Variants in URI1 observed in about 807,000 individuals in gnomAD.
The protein encoded by URI1 is URI1 prefoldin like chaperone.
In URI1, 39 loss-of-function variants were observed where a neutral mutation model predicts 60.2. The observed-to-expected ratio is 0.65, with a 90% CI of 0.50 to 0.85. The LOEUF is 0.85. Ranked by LOEUF, URI1 falls within the 40% of genes least tolerant of loss-of-function variation. URI1 has a pLI of 0.00. For missense variants in URI1, 691 were observed against 665.9 expected, an observed-to-expected ratio of 1.04 and a Z score of -0.42; for synonymous variants, 251 against 236.8, an observed-to-expected ratio of 1.06 and a Z score of -0.55.
At position 29,972,929 on chromosome 19, in the gene URI1, T is replaced by C. The variant is rs1217346510; in HGVS notation, c.152+1702T>C. Among the ~76,000 whole-genome samples the C allele has an allele frequency of 2.0e-5, 3 of 152,114 alleles. No homozygotes were observed. In the South Asian group the frequency reaches 6.2e-4, roughly 31 times the overall value. On this transcript the variant is annotated intron_variant, in intron 2 of 10. Transcript: ENST00000392271. Reference sequence around the variant, plus strand: ...AGTACTTTATACATTTAAAAAATTATTTTTTTCCAGTTAAAATTTGCATTT... The same window carrying C: ...AGTACTTTATACATTTAAAAAATTACTTTTTTCCAGTTAAAATTTGCATTT...
rs199895593 is a variant in URI1, at chr19:30,012,329, C to T, written c.1223C>T (p.Ser408Phe). The change falls in exon 10 of 11, where the codon TCC becomes TTC. Residue 408 changes from serine (S) to phenylalanine (F), a missense_variant. Ser to Phe is a radical substitution (Grantham distance 155, BLOSUM62 -2). Coordinates refer to ENST00000392271, the MANE Select transcript of URI1 (RefSeq NM_003796.3). ...VVNGEYVPRK[S>F]ILKSRSRENS... ...AATGGAGAATATGTCCCTCGCAAATCCATCCTGAAGTCTCGAAGTAGAGAG... is the reference window on the plus strand; with the variant it reads ...AATGGAGAATATGTCCCTCGCAAATTCATCCTGAAGTCTCGAAGTAGAGAG... 1 of 1,614,096 alleles carries T rather than the reference C, an allele frequency of 6.2e-7. No homozygotes were observed. The highest frequency in any genetic ancestry group is 8.5e-7 in the Non-Finnish European group (1 of 1,179,978).
In URI1 at chr19:30,015,051, A is replaced by G. The variant is rs770147135; in HGVS notation, c.1590A>G (p.Arg530=). ...GGGTTTCAAAGTTTAAAGCTGCCAGATTGCAACAGAAAGACTAGGCCCTGT... is the reference window on the plus strand; with the variant it reads ...GGGTTTCAAAGTTTAAAGCTGCCAGGTTGCAACAGAAAGACTAGGCCCTGT... ...GKRVSKFKAA[R]LQQKD is the part of the protein sequence containing the mutation. The change falls in exon 11 of 11, where the codon AGA becomes AGG. Residue 530 remains arginine, a synonymous_variant. Coordinates refer to ENST00000392271, the MANE Select transcript of URI1 (RefSeq NM_003796.3). The G allele has an allele frequency of 1.2e-6, 2 of 1,613,454 alleles. No homozygotes were observed. The highest frequency in any genetic ancestry group is 1.7e-6 in the Non-Finnish European group (2 of 1,179,594).
At chr19:29,949,741 C>T (rs999769197) in intron 1 of URI1, among the ~76,000 whole-genome samples, 97 of 152,320 alleles carry the variant, frequency 6.4e-4, no homozygotes, top group African/African-American at 2.3e-3. Context: ...AACCCTGTCT[C>T]CACCAAAAAA....
chr19:29,990,888 T>TG (rs2055737810), intron 4 of URI1, among the ~76,000 whole-genome samples: 1 of 152,218 alleles, frequency 6.6e-6, no homozygotes, highest in African/African-American at 2.4e-5. Flanking sequence ...ACTTAAATTG[T>TG]TAAAAAACAA....
chr19:29,949,498 C>T (rs1332030946), intron 1 of URI1, among the ~76,000 whole-genome samples: 2 of 152,220 alleles, frequency 1.3e-5, no homozygotes, highest in African/African-American at 2.4e-5. Flanking sequence ...CCTCACTTCC[C>T]AGACGGGGTG....
In URI1 at chr19:30,009,213, GAT is replaced by G. The variant is rs776458789; in HGVS notation, c.896_897del (p.Asp299GlyfsTer2). 2.6e-4 allele frequency: 9 copies of G among 34,006 alleles called. No individual in the cohort carries two copies. Among genetic ancestry groups the G allele is most frequent in the Non-Finnish European group, 6.6e-4 (8 of 12,152 alleles). 2.1% of individuals were successfully genotyped at this position (34,006 alleles called of 1,614,324 possible). On this transcript the variant is annotated frameshift_variant, in exon 8 of 11. Coordinates refer to ENST00000392271, the MANE Select transcript of URI1 (RefSeq NM_003796.3). LOFTEE classifies it high-confidence loss of function. ...SVNGSSSYHS[D>X]DDDDDDDDDD... The stretch of plus-strand genomic sequence containing the variant: ...GAATGGTTCCAGTTCTTACCACAGT[GAT>G]GATGATGATGATGATGATGATGACG...
intron 8 of URI1, among the ~76,000 whole-genome samples, chr19:30,010,223 G>C (rs1038107472): frequency 2.6e-5 from 4 of 152,122 alleles, no homozygotes; most frequent in African/African-American, 9.7e-5. Context: ...TTAAGGGTCT[G>C]TGGTATCATT....
intron 1 of URI1, among the ~76,000 whole-genome samples, chr19:29,935,987 T>C (rs1482937905): frequency 1.3e-5 from 2 of 152,124 alleles, no homozygotes; most frequent in African/African-American, 4.8e-5. Flanking sequence ...AGGGTTTCAC[T>C]ATGTTGACCA....
intron 1 of URI1, among the ~76,000 whole-genome samples, chr19:29,932,359 C>T (rs1320758501): frequency 6.6e-6 from 1 of 152,086 alleles, no homozygotes; most frequent in African/African-American, 2.4e-5. Flanking sequence ...GTCTGTCACC[C>T]AGGCTGGAGT....
chr19:29,967,487 G>A lies in URI1; in HGVS notation c.118-3706G>A, dbSNP rs181383412. 1.1e-4 allele frequency among the ~76,000 whole-genome samples: 16 copies of A among 152,344 alleles called. 2 individuals carry two copies. In the South Asian group the frequency reaches 2.7e-3, roughly 26 times the overall value. On this transcript the variant is annotated intron_variant, in intron 1 of 10. Coordinates refer to ENST00000392271, the MANE Select transcript of URI1 (RefSeq NM_003796.3). ...GTTTATACTTGTTTCATCTGAAAGG[G>A]TCAGGAGCTGTAGGAGGCATTGGAA...
At chr19:29,951,797 C>G (rs2055183871) in intron 1 of URI1, among the ~76,000 whole-genome samples, 3 of 152,210 alleles carry the variant, frequency 2.0e-5, no homozygotes, top group Non-Finnish European at 4.4e-5. Flanking sequence ...ATCCACCTGC[C>G]TTGGCCTCCC....
Position 29,927,565 on chromosome 19 carries a change from T to G in URI1, c.63+3811T>G, listed in dbSNP as rs1330956234. Among the ~76,000 whole-genome samples, 267 of 114,786 alleles carry G rather than the reference T, an allele frequency of 2.3e-3. 5 individuals carry two copies. The highest frequency in any genetic ancestry group is 9.6e-3 in the African/African-American group (247 of 25,748). The allele number at this position is 114,786 out of a possible 152,430, so 75.3% of individuals were successfully genotyped here. Reference sequence around the variant, plus strand: ...GCATGAGCCACTGCACCCGGCTTTTTTTTTTTTTTTTTTTTTTTTTTGAGA... The same window carrying G: ...GCATGAGCCACTGCACCCGGCTTTTGTTTTTTTTTTTTTTTTTTTTTGAGA... On this transcript the variant is annotated intron_variant, in intron 1 of 10. Transcript: ENST00000360605.
At chr19:29,980,264 C>A (rs1378736403) in intron 2 of URI1, 2 of 151,894 alleles carry the variant, frequency 1.3e-5, no homozygotes, top group East Asian at 3.9e-4. Flanking sequence ...AGTGATGATC[C>A]CTGCAGCATA....
At chr19:29,985,378 T>A in intron 3 of URI1, 77 bp downstream of exon 3, 2 of 1,271,224 alleles carry the variant, frequency 1.6e-6, no homozygotes, top group Non-Finnish European at 2.3e-6. Context: ...TCACAGAATG[T>A]CAGGCTGATG....
At position 30,009,689 on chromosome 19, in the gene URI1, C is replaced by T. The variant is rs190597609; in HGVS notation, c.1035+336C>T. ...ATTATATTGTGGACATTTTGGTGTG[C>T]TTAGGATGTTGAAAGTGACTGCATT... On this transcript the variant is annotated intron_variant, in intron 8 of 10. Transcript: ENST00000392271. Among the ~76,000 whole-genome samples, 142 of 152,136 alleles carry T rather than the reference C, an allele frequency of 9.3e-4. 2 individuals carry two copies. The highest frequency in any genetic ancestry group is 1.7e-3 in the Non-Finnish European group (114 of 68,018).
In URI1 at chr19:29,960,795, G is replaced by A. The variant is rs890460380; in HGVS notation, c.118-10398G>A. On this transcript the variant is annotated intron_variant, in intron 1 of 10. Transcript: ENST00000392271. ...TAATTTTATCACCTTTCTATTAGAC[G>A]TACATTGTATTTATTTTTTATTCAA... 3.3e-5 allele frequency among the ~76,000 whole-genome samples: 5 copies of A among 151,920 alleles called. No homozygotes were observed. The South Asian group carries it at 6.2e-4, about 19-fold the overall frequency.
At position 29,997,431 on chromosome 19, in the gene URI1, CT is replaced by C. The variant is rs760673728; in HGVS notation, c.368-7923del. ...GTGATTTTAGTGATTTGAATCTTCT[CT>C]TTTTTTCTTAGACAGTCTAATAAAG... On this transcript the variant is annotated intron_variant, in intron 4 of 10. Transcript: ENST00000392271. Among the ~76,000 whole-genome samples the C allele has an allele frequency of 2.0e-5, 3 of 151,974 alleles. No individual in the cohort carries two copies. The East Asian group carries it at 5.8e-4, about 29-fold the overall frequency.
intron 4 of URI1, among the ~76,000 whole-genome samples, chr19:29,993,524 T>G (rs556425134): frequency 3.3e-5 from 5 of 152,192 alleles, no homozygotes; most frequent in Non-Finnish European, 5.9e-5. Context: ...AAAGAAAATC[T>G]TGATTTAGGA....
At chr19:29,926,233 CTCCT>C (rs35040318) in intron 1 of URI1, among the ~76,000 whole-genome samples, 33,547 of 131,446 alleles carry the variant, frequency 0.26, 4,454 homozygotes, top group East Asian at 0.29. Context: ...TTCTTCCTCT[CTCCT>C]TCCTTCCTTC....
Sources: gnomAD v4.1 joint callset for allele counts (sites outside exome capture counted in the v4.1 genomes callset) on GRCh38, gnomAD v4.1.1 for gene constraint, MANE v1.5 for transcripts, NCBI Gene and HGNC (gene_info 2026-07-23, HGNC 2026-07-21) for gene names.